Variants in UTP6 observed in about 807,000 individuals in gnomAD.
UTP6 encodes UTP6 small subunit processome component.
A neutral mutation model predicts 96.5 loss-of-function variants in UTP6; 60 were observed. The observed-to-expected ratio is 0.62, with a 90% CI of 0.51 to 0.77. UTP6 has a LOEUF of 0.77. Among genes scored for constraint, UTP6 ranks in the 30% least tolerant of loss-of-function variants. The pLI is 0.00. For synonymous variants in UTP6, 215 were observed against 240.1 expected, an observed-to-expected ratio of 0.90 and a Z score of 0.96; for missense variants, 637 against 706.5, an observed-to-expected ratio of 0.90 and a Z score of 1.12.
At chr17:31,873,846 T>G in intron 14 of UTP6, 93 bp from the exon 15 acceptor site, 1 of 1,374,938 alleles carries the variant, frequency 7.3e-7, no homozygotes, top group Non-Finnish European at 9.8e-7. Context: ...TGTATCAATT[T>G]TTTTATGCTA....
At chr17:31,881,226 T>C (rs1201291821) in intron 10 of UTP6, among the ~76,000 whole-genome samples, 1 of 150,856 alleles carries the variant, frequency 6.6e-6, no homozygotes, top group African/African-American at 2.4e-5. Context: ...TCACTAACTG[T>C]AGAAATTTTG....
intron 17 of UTP6, chr17:31,866,714 G>T (rs1239469218): frequency 3.0e-5 from 1 of 32,888 alleles, no homozygotes; most frequent in East Asian, 8.2e-4. Context: ...GAGAGACTCC[G>T]TCTAAAAAAA....
chr17:31,892,891 G>T, intron 4 of UTP6, 97 bp from the exon 5 acceptor site: 1 of 1,409,066 alleles, frequency 7.1e-7, no homozygotes, highest in South Asian at 1.2e-5. Context: ...GCAAATTTCA[G>T]GTTGGATGCG....
intron 5 of UTP6, 112 bp from the exon 6 acceptor site, chr17:31,892,435 T>C: frequency 9.1e-7 from 1 of 1,099,552 alleles, no homozygotes; most frequent in African/African-American, 1.6e-5. Flanking sequence ...GAGCATGACA[T>C]GCTATTGCTA....
At chr17:31,901,017 A>G (rs765982808) in intron 1 of UTP6, among the ~76,000 whole-genome samples, 11 of 152,202 alleles carry the variant, frequency 7.2e-5, no homozygotes, top group Non-Finnish European at 1.0e-4. Context: ...ACATAATTTT[A>G]ACACGCTACT....
At chr17:31,874,973 G>A (rs1212753440) in intron 14 of UTP6, among the ~76,000 whole-genome samples, 1 of 150,778 alleles carries the variant, frequency 6.6e-6, no homozygotes, top group Non-Finnish European at 1.5e-5. Flanking sequence ...TTCAGCAAGT[G>A]ACATTAATAT....
chr17:31,886,239 C>G (rs1176180401), intron 8 of UTP6, among the ~76,000 whole-genome samples, 178 bp from the exon 9 acceptor site: 2 of 152,206 alleles, frequency 1.3e-5, no homozygotes. Flanking sequence ...CACTGACCTT[C>G]CAACTGTGTT....
At position 31,887,317 on chromosome 17, in the gene UTP6, C is replaced by G; in HGVS notation, c.544-4G>C. 1.2e-6 allele frequency: 2 copies of G among 1,613,166 alleles called. No individual in the cohort carries two copies. On this transcript the variant is annotated splice_polypyrimidine_tract_variant and splice_region_variant and intron_variant, in intron 7 of 18. Transcript: ENST00000261708. Reference sequence around the variant, plus strand: ...GCATCAGCTCCATCCTAAAGTACTACAGAAGAGAAATAAACTGAAAATCTT... The same window carrying G: ...GCATCAGCTCCATCCTAAAGTACTAGAGAAGAGAAATAAACTGAAAATCTT...
chr17:31,899,567 C>A lies in UTP6; in HGVS notation c.177+79G>T, dbSNP rs530534202. The A allele has an allele frequency of 1.1e-3, 1,265 of 1,110,798 alleles. 1 individual carries two copies. The highest frequency in any genetic ancestry group is 1.4e-3 in the Non-Finnish European group (1,110 of 800,736). The allele number at this position is 1,110,798 out of a possible 1,614,324, so 68.8% of individuals were successfully genotyped here. On this transcript the variant is annotated intron_variant, in intron 2 of 18. Coordinates refer to ENST00000261708, the MANE Select transcript of UTP6 (RefSeq NM_018428.3). ...CACCATTCACACCACTGCACTCCAACCTGGGTGACAGAGTGAGATGCCATC... is the reference window on the plus strand; with the variant it reads ...CACCATTCACACCACTGCACTCCAAACTGGGTGACAGAGTGAGATGCCATC...
At chr17:31,895,740 G>A (rs932438450) in intron 2 of UTP6, among the ~76,000 whole-genome samples, 3 of 151,898 alleles carry the variant, frequency 2.0e-5, no homozygotes, top group Non-Finnish European at 1.5e-5. Context: ...CACCATGTTG[G>A]CTAGGCTGGT....
At chr17:31,881,226 T>A (rs1201291821) in intron 10 of UTP6, among the ~76,000 whole-genome samples, 1 of 150,856 alleles carries the variant, frequency 6.6e-6, no homozygotes, top group Non-Finnish European at 1.5e-5. Flanking sequence ...TCACTAACTG[T>A]AGAAATTTTG....
chr17:31,865,699 T>G (rs1038426044), intron 17 of UTP6, among the ~76,000 whole-genome samples: 8 of 152,222 alleles, frequency 5.3e-5, no homozygotes, highest in Admixed American at 5.2e-4. Context: ...CATGGGCAGC[T>G]TCACAGAAAA....
chr17:31,899,815 T>C, intron 1 of UTP6, 85 bp from the exon 2 acceptor site: 2 of 1,014,488 alleles, frequency 2.0e-6, no homozygotes, highest in Non-Finnish European at 2.8e-6. Context: ...AAAACATGTT[T>C]TTCAAAATAC....
intron 16 of UTP6, among the ~76,000 whole-genome samples, chr17:31,868,383 G>A (rs950120637): frequency 7.0e-6 from 1 of 143,526 alleles, no homozygotes; most frequent in African/African-American, 2.6e-5. Context: ...AGGCTGGAGT[G>A]CAGTATTGCA....
intron 17 of UTP6, among the ~76,000 whole-genome samples, chr17:31,865,945 G>C (rs1909787197): frequency 6.6e-6 from 1 of 152,104 alleles, no homozygotes; most frequent in African/African-American, 2.4e-5. Context: ...ACAACTATAA[G>C]TATTAGATTA....
intron 1 of UTP6, chr17:31,901,316 A>G: frequency 1.8e-6 from 1 of 548,546 alleles, no homozygotes; most frequent in Non-Finnish European, 3.3e-6. Flanking sequence ...ACCCGGCTCC[A>G]TGAAGGGCTG....
intron 11 of UTP6, chr17:31,880,105 C>CA (rs369625191): frequency 2.2e-3 from 370 of 166,376 alleles, no homozygotes; most frequent in South Asian, 3.1e-3. Context: ...GACTCTGTCT[C>CA]AAAAAAAAAC....
rs1000470966 is a variant in UTP6, at chr17:31,861,181, G to A, written c.*2178C>T. 5.1e-4 allele frequency: 78 copies of A among 151,492 alleles called. 1 individual carries two copies. The highest frequency in any genetic ancestry group is 5.1e-3 in the Admixed American group (77 of 15,182). 9.4% of individuals were successfully genotyped at this position (151,492 alleles called of 1,614,324 possible). On this transcript the variant is annotated 3_prime_UTR_variant, in exon 19 of 19. Coordinates refer to ENST00000261708, the MANE Select transcript of UTP6 (RefSeq NM_018428.3). ...TTGAACCTAGGAGGCAGAGGTTGCA[G>A]TAAGACCACACCACTGCACTCCAGC...
In UTP6 at chr17:31,901,667, A is replaced by G. The variant is rs770051096; in HGVS notation, c.-40T>C. On this transcript the variant is annotated 5_prime_UTR_variant, in exon 1 of 19. Coordinates refer to ENST00000261708, the MANE Select transcript of UTP6 (RefSeq NM_018428.3). ...ACAACCCCGCGGGTAGCTTCTCAAC[A>G]GCGAACACGAGCAGGAAGCTCCCGG... 6.9e-6 allele frequency: 11 copies of G among 1,594,228 alleles called. No individual in the cohort carries two copies. Among genetic ancestry groups the G allele is most frequent in the South Asian group, 5.5e-5 (5 of 90,782 alleles).
Sources: allele counts gnomAD v4.1 joint callset (sites outside exome capture counted in the v4.1 genomes callset), GRCh38; gene constraint gnomAD v4.1.1; transcripts MANE v1.5; gene names NCBI Gene and HGNC (gene_info 2026-07-23, HGNC 2026-07-21).